Variants in MDM4 observed in about 807,000 individuals in gnomAD.
The protein encoded by MDM4 is MDM4 regulator of p53.
Under a neutral mutation model 60.2 loss-of-function variants are expected in MDM4, and 2 were observed. The observed-to-expected ratio is 0.03, with a 90% CI of 0.01 to 0.10. The LOEUF (loss-of-function observed/expected upper bound fraction) is 0.10, where lower values mean the gene tolerates loss of function less well. Among genes scored for constraint, MDM4 ranks in the 10% least tolerant of loss-of-function variants. The pLI, the probability that MDM4 is intolerant of heterozygous loss-of-function variation, is 1.00. For missense variants in MDM4, 447 were observed against 577.5 expected (o/e 0.77, Z 2.32); for synonymous variants, 202 against 198.1 (o/e 1.02, Z -0.17).
At chr1:204,528,606 A>G (rs957551902) in intron 3 of MDM4, among the ~76,000 whole-genome samples, 7 of 152,308 alleles carry the variant, frequency 4.6e-5, no homozygotes, top group Admixed American at 3.3e-4. Flanking sequence ...CCGTCGGGAC[A>G]TTCAGCTTTC....
rs889011559 is a variant in MDM4, at chr1:204,555,887, C to T, written c.*6205C>T. On this transcript the variant is annotated 3_prime_UTR_variant, in exon 11 of 11. Coordinates refer to ENST00000367182, the MANE Select transcript of MDM4 (RefSeq NM_002393.5). ...AAAAAAAGGACATTTATCATTATAA[C>T]ATCTTATTAGAGCCCCTAATTTCTT... 4 of 190,832 alleles carry T rather than the reference C, an allele frequency of 2.1e-5. No individual in the cohort carries two copies. Among genetic ancestry groups the T allele is most frequent in the Non-Finnish European group, 3.3e-5 (3 of 91,486 alleles). 11.8% of individuals were successfully genotyped at this position (190,832 alleles called of 1,614,324 possible). A position where few individuals can be genotyped will look rare whatever the true frequency, so the allele number is the denominator to read the frequency against.
chr1:204,537,358 T>G, intron 5 of MDM4, 72 bp from the exon 6 acceptor site: 3 of 1,195,404 alleles, frequency 2.5e-6, no homozygotes, highest in Non-Finnish European at 3.7e-6. Context: ...GGTTGTTTGC[T>G]GAGGTCCTTT....
rs1558340313 is a variant in MDM4 at position 204,550,925 on chromosome 1, CTTAAT to C, written c.*1250_*1254del. On this transcript the variant is annotated 3_prime_UTR_variant, in exon 11 of 11. Coordinates refer to ENST00000367182, the MANE Select transcript of MDM4 (RefSeq NM_002393.5). ...GTCATATAAACTGGCAAAGTCTGTT[CTTAAT>C]TTAATTAGCCAAATCAGACTTAACT... The C allele has an allele frequency of 5.5e-6, 1 of 182,720 alleles. No individual in the cohort carries two copies. Among genetic ancestry groups the C allele is most frequent in the Non-Finnish European group, 1.2e-5 (1 of 85,858 alleles). 11.3% of individuals were successfully genotyped at this position (182,720 alleles called of 1,614,324 possible).
At chr1:204,546,733 T>G in intron 9 of MDM4, 64 bp from the exon 10 acceptor site, 1 of 1,098,552 alleles carries the variant, frequency 9.1e-7, no homozygotes, top group Non-Finnish European at 1.4e-6. Context: ...CTTTTTTGCT[T>G]TCAGTTAATT....
intron 10 of MDM4, among the ~76,000 whole-genome samples, 196 bp from the exon 11 acceptor site, chr1:204,548,917 T>C (rs758359171): frequency 6.6e-6 from 1 of 152,046 alleles, no homozygotes; most frequent in Non-Finnish European, 1.5e-5. Context: ...GGCTTGAAAA[T>C]AGCAGTTGTG....
At chr1:204,525,632 T>G (rs916465155) in intron 2 of MDM4, 36 bp downstream of exon 2, 74 of 1,410,868 alleles carry the variant, frequency 5.2e-5, no homozygotes, top group Non-Finnish European at 6.8e-5. Context: ...TTTTTGGTTT[T>G]TTTTTTTTTT....
Position 204,542,819 on chromosome 1 carries a change from A to G in MDM4, c.547A>G (p.Thr183Ala). The G allele has an allele frequency of 6.2e-7, 1 of 1,612,192 alleles. No individual in the cohort carries two copies. Among genetic ancestry groups the G allele is most frequent in the South Asian group, 1.1e-5 (1 of 90,456 alleles). ...DLIENLAQDE[T>A]SRLDLGFEEW... Reference sequence around the variant, plus strand: ...AATTGAAAATTTAGCCCAAGATGAAACATCTAGGCTGGACCTTGGATTTGA... The same window carrying G: ...AATTGAAAATTTAGCCCAAGATGAAGCATCTAGGCTGGACCTTGGATTTGA... Residue 183 changes from threonine to alanine, a missense_variant, in exon 8 of 11, where the codon ACA (threonine) becomes GCA (alanine). By Grantham distance (58) the Thr-to-Ala change is moderately conservative (BLOSUM62 0). This residue lies in a region of MDM4 where 184 missense variants were observed against 179.3 expected (regional missense o/e 1.03). Coordinates refer to ENST00000367182, the MANE Select transcript of MDM4 (RefSeq NM_002393.5).
At chr1:204,529,680 A>T in intron 3 of MDM4, 1 of 592,044 alleles carries the variant, frequency 1.7e-6, no homozygotes, top group Non-Finnish European at 2.9e-6. Flanking sequence ...CCCCGCCCAT[A>T]CAGATAGCTG....
chr1:204,527,406 C>T (rs1327353754), intron 3 of MDM4, among the ~76,000 whole-genome samples: 1 of 152,052 alleles, frequency 6.6e-6, no homozygotes, highest in Non-Finnish European at 1.5e-5. Flanking sequence ...GTAATCCCAG[C>T]ACTTTGCGAG....
chr1:204,529,466 A>G, intron 3 of MDM4: 1 of 1,526,050 alleles, frequency 6.6e-7, no homozygotes, highest in African/African-American at 1.4e-5. Flanking sequence ...GTCCTCCTGG[A>G]GTTCCAGAGG....
chr1:204,517,067 C>A (rs1258117479), intron 1 of MDM4, among the ~76,000 whole-genome samples: 1 of 151,888 alleles, frequency 6.6e-6, no homozygotes, highest in Non-Finnish European at 1.5e-5. Context: ...CTGGTGAAAC[C>A]CCGTCTCTAG....
intron 7 of MDM4, among the ~76,000 whole-genome samples, chr1:204,539,233 G>A (rs1558327043): frequency 1.3e-5 from 2 of 152,084 alleles, no homozygotes; most frequent in East Asian, 1.9e-4. Flanking sequence ...TGGTCTACCC[G>A]CCTCAGCCTC....
chr1:204,536,402 G>T (rs1470277874), intron 5 of MDM4, among the ~76,000 whole-genome samples: 2 of 152,190 alleles, frequency 1.3e-5, no homozygotes, highest in East Asian at 1.9e-4. Flanking sequence ...TTTATAATTA[G>T]AATTTTGAAA....
rs1663520961 is a variant in MDM4 at position 204,556,139 on chromosome 1, C to G, written c.*6457C>G. 4.5e-6 allele frequency: 1 copy of G among 223,688 alleles called. No individual in the cohort carries two copies. Among genetic ancestry groups the G allele is most frequent in the South Asian group, 1.8e-4 (1 of 5,448 alleles). 13.9% of individuals were successfully genotyped at this position (223,688 alleles called of 1,614,324 possible). A position where few individuals can be genotyped will look rare whatever the true frequency, so the allele number is the denominator to read the frequency against. On this transcript the variant is annotated 3_prime_UTR_variant, in exon 11 of 11. Coordinates refer to ENST00000367182, the MANE Select transcript of MDM4 (RefSeq NM_002393.5). ...CACCTTTACTGTGTCATTTATATCC[C>G]CTTAGTTCCAAAGTTAATTATCTTA... is the stretch of plus-strand genomic sequence containing the variant.
intron 8 of MDM4, among the ~76,000 whole-genome samples, chr1:204,543,833 C>G (rs1223132264): frequency 6.6e-6 from 1 of 152,170 alleles, no homozygotes; most frequent in East Asian, 1.9e-4. Context: ...TATGTGTTGT[C>G]TGTTTACCAC....
At chr1:204,548,017 C>T (rs573621795) in intron 10 of MDM4, among the ~76,000 whole-genome samples, 1 of 152,216 alleles carries the variant, frequency 6.6e-6, no homozygotes, top group Non-Finnish European at 1.5e-5. Flanking sequence ...CCACCACTCC[C>T]GGCCATGTTT....
intron 10 of MDM4, among the ~76,000 whole-genome samples, chr1:204,548,781 T>A (rs1288404763): frequency 6.6e-6 from 1 of 152,086 alleles, no homozygotes; most frequent in Non-Finnish European, 1.5e-5. Flanking sequence ...AAGGAGTAAG[T>A]TGTGCAAAGA....
chr1:204,556,027 AG>A lies in MDM4; in HGVS notation c.*6346del, dbSNP rs1333087001. 4.7e-6 allele frequency: 1 copy of A among 214,774 alleles called. No individual in the cohort carries two copies. The highest frequency in any genetic ancestry group is 2.3e-5 in the African/African-American group (1 of 44,418). 13.3% of individuals were successfully genotyped at this position (214,774 alleles called of 1,614,324 possible). A position where few individuals can be genotyped will look rare whatever the true frequency, so the allele number is the denominator to read the frequency against. On this transcript the variant is annotated 3_prime_UTR_variant, in exon 11 of 11. Transcript: ENST00000367182. ...GCAAATGTGGTTTCATAAAGTGGGAAGAAAACAGCATTTTAAAGTAACTTTT... is the reference window on the plus strand; with the variant it reads ...GCAAATGTGGTTTCATAAAGTGGGAAAAAACAGCATTTTAAAGTAACTTTT...
At chr1:204,530,927 CAT>C in intron 4 of MDM4, 110 bp downstream of exon 4, 1 of 1,409,070 alleles carries the variant, frequency 7.1e-7, no homozygotes, top group Non-Finnish European at 9.8e-7. Context: ...TAAGAGCCTA[CAT>C]ATGTTAGGTA....
Sources: allele counts gnomAD v4.1 joint callset (sites outside exome capture counted in the v4.1 genomes callset), GRCh38; gene constraint gnomAD v4.1.1; regional missense constraint gnomAD v4.1.1; transcripts MANE v1.5; gene names NCBI Gene and HGNC (gene_info 2026-07-23, HGNC 2026-07-21).